DNM3: variants seen among roughly 807,000 people sequenced by gnomAD.
DNM3 encodes the protein dynamin-3.
A neutral mutation model predicts 101.6 loss-of-function variants in DNM3; 47 were observed. The observed-to-expected ratio is 0.46, with a 90% CI of 0.37 to 0.59. The LOEUF (loss-of-function observed/expected upper bound fraction) is 0.59. DNM3 is among the 20% of genes least tolerant of loss of function. DNM3 has a pLI of 0.00. For missense variants in DNM3, 849 were observed against 1,085.7 expected (o/e 0.78, Z 3.06); for synonymous variants, 385 against 387.9 (o/e 0.99, Z 0.09).
At chr1:172,045,437 C>T (rs987494242) in intron 9 of DNM3, among the ~76,000 whole-genome samples, 2 of 152,092 alleles carry the variant, frequency 1.3e-5, no homozygotes, top group African/African-American at 4.8e-5. Context: ...AGAGAGAAAG[C>T]TAGTTAGCTC....
chr1:171,988,156 G>C (rs2045394898), intron 3 of DNM3, among the ~76,000 whole-genome samples: 1 of 152,086 alleles, frequency 6.6e-6, no homozygotes, highest in African/African-American at 2.4e-5. Flanking sequence ...TGGATGTCTT[G>C]CAGCCATATA....
intron 2 of DNM3, among the ~76,000 whole-genome samples, chr1:171,941,921 T>A (rs527369348): frequency 1.1e-4 from 16 of 152,338 alleles, no homozygotes; most frequent in African/African-American, 3.1e-4. Context: ...TAAACCCATA[T>A]GCCTTTTTTG....
rs2049986472 is a variant in DNM3 at position 172,048,621 on chromosome 1, G to A, written c.1206G>A (p.Leu402=). 6.2e-7 allele frequency: 1 copy of A among 1,612,898 alleles called. No individual in the cohort carries two copies. Among genetic ancestry groups the A allele is most frequent in the African/African-American group, 1.3e-5 (1 of 74,876 alleles). Residue 402 remains leucine (L), a synonymous_variant, in exon 10 of 21, where the codon TTG becomes TTA. Transcript: ENST00000627582. The part of the protein sequence containing the change: ...IKNIHGIRTG[L]FTPDMAFEAI... Reference sequence around the variant, plus strand: ...GCTTTCTTACCTTCAGGACAGGGTTGTTTACTCCAGACATGGCATTTGAAG... The same window carrying A: ...GCTTTCTTACCTTCAGGACAGGGTTATTTACTCCAGACATGGCATTTGAAG...
chr1:172,333,609 G>T (rs2148939596), intron 17 of DNM3, among the ~76,000 whole-genome samples: 1 of 152,104 alleles, frequency 6.6e-6, no homozygotes, highest in African/African-American at 2.4e-5. Context: ...GCCTCAACTT[G>T]ATGCATATTA....
chr1:172,353,087 A>G (rs2067269687), intron 17 of DNM3, among the ~76,000 whole-genome samples: 1 of 152,080 alleles, frequency 6.6e-6, no homozygotes, highest in Non-Finnish European at 1.5e-5. Context: ...TGCTCCATCC[A>G]CCAAGCAGCC....
At chr1:171,942,739 G>A (rs143361371) in intron 2 of DNM3, among the ~76,000 whole-genome samples, 9 of 152,294 alleles carry the variant, frequency 5.9e-5, no homozygotes, top group African/African-American at 1.9e-4. Flanking sequence ...TGGAGTTTTT[G>A]TATGTCACTA....
At chr1:172,193,547 T>G (rs901755438) in intron 14 of DNM3, among the ~76,000 whole-genome samples, 4 of 152,144 alleles carry the variant, frequency 2.6e-5, no homozygotes, top group African/African-American at 9.7e-5. Context: ...AACTTGTTAT[T>G]GGTCTATTCA....
At chr1:172,200,953 T>A (rs1201235786) in intron 14 of DNM3, among the ~76,000 whole-genome samples, 1 of 152,180 alleles carries the variant, frequency 6.6e-6, no homozygotes, top group African/African-American at 2.4e-5. Flanking sequence ...CCATTTTAGT[T>A]ACCACAAAGT....
intron 1 of DNM3, among the ~76,000 whole-genome samples, chr1:171,874,337 A>G (rs1245833886): frequency 2.6e-5 from 4 of 152,254 alleles, no homozygotes; most frequent in African/African-American, 9.6e-5. Context: ...TAATTATTTC[A>G]AAGAATTGGG....
Position 171,921,802 on chromosome 1 carries a change from G to C in DNM3, c.216G>C (p.Gln72His). Reference protein sequence around the residue: ...GIVTRRPLVLQLVTSKAEYAE... With the variant: ...GIVTRRPLVLHLVTSKAEYAE... ...TAACAAGACGACCTCTTGTGCTGCA[G>C]CTTGTTACTTCTAAAGCAGGTAATG... Residue 72 changes from glutamine to histidine, a missense_variant, in exon 2 of 21, where the codon CAG (glutamine) becomes CAC (histidine). Gln to His is a conservative substitution (Grantham distance 24). Coordinates refer to ENST00000627582, the MANE Select transcript of DNM3 (RefSeq NM_015569.5). 1 of 1,602,392 alleles carries C rather than the reference G, an allele frequency of 6.2e-7. No individual in the cohort carries two copies. Among genetic ancestry groups the C allele is most frequent in the Non-Finnish European group, 8.5e-7 (1 of 1,173,816 alleles).
chr1:172,398,526 T>C lies in DNM3; in HGVS notation c.2523-9246T>C, dbSNP rs192011247. Among the ~76,000 whole-genome samples the C allele has an allele frequency of 2.6e-5, 4 of 152,276 alleles. No homozygotes were observed. In the East Asian group the frequency reaches 7.7e-4, roughly 29 times the overall value. ...ACTTTTTTGATCTCTTCTAGAATAA[T>C]GGTAAGGTAAATGATATCTGCTTGG... is the stretch of plus-strand genomic sequence containing the variant. On this transcript the variant is annotated intron_variant, in intron 20 of 20. Transcript: ENST00000627582.
At chr1:172,022,672 C>T (rs1187018086) in intron 4 of DNM3, among the ~76,000 whole-genome samples, 1 of 152,064 alleles carries the variant, frequency 6.6e-6, no homozygotes, top group African/African-American at 2.4e-5. Context: ...TTTCCAGAGG[C>T]TACCACTTAC....
chr1:171,958,512 T>A (rs2043005096), intron 2 of DNM3, among the ~76,000 whole-genome samples: 1 of 152,140 alleles, frequency 6.6e-6, no homozygotes, highest in Non-Finnish European at 1.5e-5. Context: ...GAGTATATAG[T>A]GTGTCTGTGT....
At chr1:171,962,025 G>T (rs561538755) in intron 2 of DNM3, among the ~76,000 whole-genome samples, 65 of 152,300 alleles carry the variant, frequency 4.3e-4, no homozygotes, top group African/African-American at 1.5e-3. Context: ...GAGTCCTGAG[G>T]TGGCAGAGGG....
chr1:171,902,107 C>G (rs1369594115), intron 1 of DNM3, among the ~76,000 whole-genome samples: 1 of 152,118 alleles, frequency 6.6e-6, no homozygotes, highest in South Asian at 2.1e-4. Context: ...AATTAATAAC[C>G]CCATTCTATT....
intron 18 of DNM3, 74 bp from the exon 19 acceptor site, chr1:172,387,059 G>A (rs1573694075): frequency 3.1e-6 from 4 of 1,286,708 alleles, no homozygotes; most frequent in South Asian, 1.3e-5. Context: ...GACTCTGACT[G>A]CCACAGCCAT....
chr1:172,131,198 C>T lies in DNM3; in HGVS notation c.1569C>T (p.Thr523=). 1 of 1,613,348 alleles carries T rather than the reference C, an allele frequency of 6.2e-7. No homozygotes were observed. The highest frequency in any genetic ancestry group is 2.2e-5 in the East Asian group (1 of 44,826). Residue 523 remains threonine, a synonymous_variant, in exon 14 of 21, where the codon ACC becomes ACT. Coordinates refer to ENST00000627582, the MANE Select transcript of DNM3 (RefSeq NM_015569.5). Reference sequence around the variant, plus strand: ...AGGTGATTCGCAAGGGGTGGCTCACCATCAGCAACATTGGCATCATGAAAG... The same window carrying T: ...AGGTGATTCGCAAGGGGTGGCTCACTATCAGCAACATTGGCATCATGAAAG... ...GNQVIRKGWL[T]ISNIGIMKGG...
At chr1:172,074,917 T>C (rs904094107) in intron 11 of DNM3, among the ~76,000 whole-genome samples, 2 of 152,226 alleles carry the variant, frequency 1.3e-5, no homozygotes, top group African/African-American at 4.8e-5. Context: ...GTTGAACTAA[T>C]TTACACTCCC....
intron 14 of DNM3, among the ~76,000 whole-genome samples, chr1:172,181,180 C>T (rs1244097764): frequency 6.6e-6 from 1 of 152,018 alleles, no homozygotes; most frequent in African/African-American, 2.4e-5. Context: ...GCTTCTCCAC[C>T]ATCTCTAAGA....
Sources: allele counts gnomAD v4.1 joint callset (sites outside exome capture counted in the v4.1 genomes callset), GRCh38; gene constraint gnomAD v4.1.1; transcripts MANE v1.5; gene names NCBI Gene and HGNC (gene_info 2026-07-23, HGNC 2026-07-21).